The following CDH12 variants were observed in gnomAD, a reference collection of about 807,000 sequenced individuals.
The protein encoded by CDH12 is cadherin 12.
Under a neutral mutation model 74.1 loss-of-function variants are expected in CDH12, and 41 were observed. The observed-to-expected ratio is 0.55, with a 90% CI of 0.43 to 0.72. CDH12 has a LOEUF of 0.72. CDH12 is among the 30% of genes least tolerant of loss of function. The probability of loss-of-function intolerance (pLI) is 0.00; values close to 1 mark genes in which losing one functional copy is unlikely to be tolerated. For missense variants in CDH12, 945 were observed against 977.2 expected (o/e 0.97, Z 0.44); for synonymous variants, 399 against 355.0 (o/e 1.12, Z -1.39).
intron 1 of CDH12, among the ~76,000 whole-genome samples, chr5:22,624,978 C>T (rs986654072): frequency 1.3e-5 from 2 of 152,020 alleles, no homozygotes; most frequent in African/African-American, 4.8e-5. Context: ...TACTATGCAG[C>T]CATAAAAAAG....
intron 4 of CDH12, among the ~76,000 whole-genome samples, chr5:22,088,431 G>C (rs1743205670): frequency 1.3e-5 from 2 of 152,080 alleles, no homozygotes; most frequent in Non-Finnish European, 2.9e-5. Context: ...TAGGTTTCTT[G>C]TAGAGCAGAA....
intron 3 of CDH12, among the ~76,000 whole-genome samples, chr5:22,272,573 T>C (rs754255651): frequency 6.6e-6 from 1 of 152,208 alleles, no homozygotes; most frequent in African/African-American, 2.4e-5. Context: ...AGCTTAACCA[T>C]TTCTAGCTTT....
chr5:22,773,491 A>T (rs1013036855), intron 1 of CDH12, among the ~76,000 whole-genome samples: 6 of 152,190 alleles, frequency 3.9e-5, no homozygotes, highest in Non-Finnish European at 5.9e-5. Context: ...CATATATAAT[A>T]ACTAACTCAA....
At chr5:22,576,146 C>T (rs373415444) in intron 1 of CDH12, among the ~76,000 whole-genome samples, 106 of 152,304 alleles carry the variant, frequency 7.0e-4, no homozygotes, top group Admixed American at 6.7e-3. Context: ...TAAAAGTTAA[C>T]GCCTATTATA....
At chr5:22,153,584 T>C (rs1747760677) in intron 4 of CDH12, among the ~76,000 whole-genome samples, 1 of 151,098 alleles carries the variant, frequency 6.6e-6, no homozygotes. Flanking sequence ...TTCCTTAAGC[T>C]CTGTAAGCCT....
At chr5:22,597,003 G>C (rs1235775044) in intron 1 of CDH12, among the ~76,000 whole-genome samples, 1 of 152,100 alleles carries the variant, frequency 6.6e-6, no homozygotes, top group Admixed American at 6.6e-5. Context: ...ATTTCATTAT[G>C]ATTATGATCC....
At chr5:21,827,117 G>A (rs1748719761) in intron 8 of CDH12, among the ~76,000 whole-genome samples, 1 of 152,130 alleles carries the variant, frequency 6.6e-6, no homozygotes, top group African/African-American at 2.4e-5. Context: ...TGGCCATGAG[G>A]TGAGTCAAGC....
intron 4 of CDH12, among the ~76,000 whole-genome samples, chr5:22,099,453 C>T (rs1744005117): frequency 6.6e-6 from 1 of 152,190 alleles, no homozygotes; most frequent in African/African-American, 2.4e-5. Flanking sequence ...GAATTCAGGC[C>T]TGTCCTTGGA....
intron 2 of CDH12, among the ~76,000 whole-genome samples, chr5:22,484,362 A>C (rs905604412): frequency 6.6e-6 from 1 of 152,188 alleles, no homozygotes; most frequent in Admixed American, 6.5e-5. Context: ...GAGGGGAAGC[A>C]AAGTGGAGAA....
chr5:22,753,114 T>TG (rs1745682401), intron 1 of CDH12, among the ~76,000 whole-genome samples: 1 of 151,918 alleles, frequency 6.6e-6, no homozygotes, highest in Non-Finnish European at 1.5e-5. Context: ...TGTTAAGACC[T>TG]GGGGGTGCAC....
chr5:22,288,069 AT>A (rs1737233335), intron 3 of CDH12, among the ~76,000 whole-genome samples: 1 of 152,100 alleles, frequency 6.6e-6, no homozygotes, highest in Non-Finnish European at 1.5e-5. Context: ...CTGCCCTTAA[AT>A]ATAATGTCAT....
intron 4 of CDH12, among the ~76,000 whole-genome samples, chr5:22,108,211 T>C (rs968549288): frequency 7.9e-5 from 12 of 152,164 alleles, no homozygotes; most frequent in Non-Finnish European, 1.0e-4. Context: ...GATGGTTTTA[T>C]AAAGGGCAGT....
At chr5:22,478,682 T>C (rs1048196110) in intron 2 of CDH12, among the ~76,000 whole-genome samples, 2 of 151,784 alleles carry the variant, frequency 1.3e-5, no homozygotes, top group African/African-American at 2.4e-5. Context: ...ACTAGATAGG[T>C]TGAATTGATG....
chr5:22,724,070 C>T (rs1234567412), intron 1 of CDH12, among the ~76,000 whole-genome samples: 1 of 151,616 alleles, frequency 6.6e-6, no homozygotes, highest in Non-Finnish European at 1.5e-5. Flanking sequence ...GTAGCAATTG[C>T]AAAAGATGGG....
chr5:22,400,113 C>T (rs1160716573), intron 3 of CDH12, among the ~76,000 whole-genome samples: 1 of 152,106 alleles, frequency 6.6e-6, no homozygotes, highest in East Asian at 1.9e-4. Flanking sequence ...TCCCCCCTTT[C>T]TAGTGGTTAG....
At chr5:22,361,527 G>C (rs55799781) in intron 3 of CDH12, among the ~76,000 whole-genome samples, 1 of 151,172 alleles carries the variant, frequency 6.6e-6, no homozygotes, top group African/African-American at 2.4e-5. Context: ...TAGATTCAAT[G>C]CCATCCCCAT....
intron 1 of CDH12, among the ~76,000 whole-genome samples, chr5:22,635,838 C>T (rs111689824): frequency 5.9e-5 from 9 of 152,110 alleles, no homozygotes; most frequent in East Asian, 5.8e-4. Flanking sequence ...TGCTTGAACC[C>T]GGAAGGCTGA....
intron 6 of CDH12, among the ~76,000 whole-genome samples, chr5:21,868,514 C>T (rs555391297): frequency 6.6e-6 from 1 of 152,242 alleles, no homozygotes; most frequent in African/African-American, 2.4e-5. Context: ...CTTTCTGAGG[C>T]CTTGGGGGCC....
intron 6 of CDH12, among the ~76,000 whole-genome samples, chr5:21,864,922 A>AACT (rs1356141515): frequency 1.3e-5 from 2 of 152,218 alleles, no homozygotes; most frequent in African/African-American, 4.8e-5. Context: ...CTTAAGAACA[A>AACT]GGTATTGGAA....
Sources: gnomAD v4.1 joint callset for allele counts (sites outside exome capture counted in the v4.1 genomes callset) on GRCh38, gnomAD v4.1.1 for gene constraint, MANE v1.5 for transcripts, NCBI Gene and HGNC (gene_info 2026-07-23, HGNC 2026-07-21) for gene names.